Variants in AHRR observed in about 807,000 individuals in gnomAD.
AHRR encodes ahR repressor.
In AHRR, 28 loss-of-function variants were observed where a neutral mutation model predicts 44.0. That is an observed-to-expected ratio of 0.64 (90% CI 0.47 to 0.87). The LOEUF is 0.87. Among genes scored for constraint, AHRR ranks in the 40% least tolerant of loss-of-function variants. The pLI, the probability that AHRR is intolerant of heterozygous loss-of-function variation, is 0.00. For missense variants in AHRR, 990 were observed against 953.9 expected, an observed-to-expected ratio of 1.04 and a Z score of -0.50; for synonymous variants, 434 against 407.0, an observed-to-expected ratio of 1.07 and a Z score of -0.80.
chr5:385,501 T>G (rs1262601620), intron 4 of AHRR, among the ~76,000 whole-genome samples: 2 of 152,170 alleles, frequency 1.3e-5, no homozygotes, highest in Non-Finnish European at 2.9e-5. Flanking sequence ...TGAATACTTT[T>G]GCTGGGTATA....
At chr5:389,946 G>A (rs1734342620) in intron 4 of AHRR, among the ~76,000 whole-genome samples, 1 of 130,430 alleles carries the variant, frequency 7.7e-6, no homozygotes, top group African/African-American at 2.8e-5. Flanking sequence ...GGGAAGGGAG[G>A]GAGGGGGAGG....
rs1405927157 is a variant in AHRR, at chr5:423,982, G to C, written c.708+5G>C. The C allele has an allele frequency of 1.9e-6, 3 of 1,596,216 alleles. No homozygotes were observed. The highest frequency in any genetic ancestry group is 1.3e-5 in the African/African-American group (1 of 74,858). On this transcript the variant is annotated splice_donor_5th_base_variant and intron_variant, in intron 7 of 10. Transcript: ENST00000684583. ...GACAGCACCTCGGGCTTCCTGGTGA[G>C]TGCGTGGGTCCCTGGCAGGGGGCTC...
At chr5:367,671 C>G (rs1332689759) in intron 3 of AHRR, 7 of 596,836 alleles carry the variant, frequency 1.2e-5, no homozygotes, top group Non-Finnish European at 2.1e-5. Context: ...CTCAGGAGGC[C>G]TTCCCCAGCC....
At chr5:347,364 T>A (rs933400742) in intron 2 of AHRR, among the ~76,000 whole-genome samples, 1 of 152,244 alleles carries the variant, frequency 6.6e-6, no homozygotes, top group Non-Finnish European at 1.5e-5. Flanking sequence ...TAAATTTGTA[T>A]GAGTTGAATT....
chr5:345,473 T>G (rs1254812929), intron 2 of AHRR, among the ~76,000 whole-genome samples: 1 of 121,716 alleles, frequency 8.2e-6, no homozygotes, highest in African/African-American at 3.4e-5. Context: ...ATGATGTCCC[T>G]GGCTGTGTGT....
intron 3 of AHRR, among the ~76,000 whole-genome samples, chr5:354,880 G>A (rs1313174904): frequency 6.6e-6 from 1 of 152,176 alleles, no homozygotes; most frequent in East Asian, 1.9e-4. Flanking sequence ...CCCAGGGAAG[G>A]ACGTGGCCCA....
At chr5:376,557 A>AGGTGAACGCGGGGAAACACAGGAAAGAT in intron 3 of AHRR, 53 bp from the exon 4 acceptor site, 1 of 1,423,184 alleles carries the variant, frequency 7.0e-7, no homozygotes, top group South Asian at 1.4e-5. Context: ...AATGAAGAAG[A>AGGTGAACGCGGGGAAACACAGGAAAGAT]GTGGCCAGGC....
At chr5:350,263 G>C (rs997836962) in intron 2 of AHRR, among the ~76,000 whole-genome samples, 1 of 152,160 alleles carries the variant, frequency 6.6e-6, no homozygotes, top group Non-Finnish European at 1.5e-5. Context: ...ATCTTCCTGC[G>C]TATTTGGTCT....
chr5:393,767 A>T (rs1024162120), intron 4 of AHRR, among the ~76,000 whole-genome samples: 5 of 152,020 alleles, frequency 3.3e-5, no homozygotes, highest in Non-Finnish European at 1.5e-5. Context: ...CCTCCCAAGT[A>T]GCTGGGATTA....
In AHRR at chr5:342,392, T is replaced by G. The variant is rs1742376001; in HGVS notation, c.-10-1501T>G. Among the ~76,000 whole-genome samples, 1 of 152,222 alleles carries G rather than the reference T, an allele frequency of 6.6e-6. No homozygotes were observed. Among genetic ancestry groups the G allele is most frequent in the African/African-American group, 2.4e-5 (1 of 41,456 alleles). ...GTCAGATCTTCTTGGAAAATTGACC[T>G]CTTTATTATTAAAGAATATACCTTT... On this transcript the variant is annotated intron_variant, in intron 1 of 10. Coordinates refer to ENST00000684583, the MANE Select transcript of AHRR (RefSeq NM_001377236.1). This position sits in a 1 kb window ranked among gnomAD's most constrained non-coding sequence, Gnocchi z 4.3.
Position 434,296 on chromosome 5 carries a change from CG to C in AHRR, c.1561del (p.Asp521ThrfsTer9). The C allele has an allele frequency of 6.2e-7, 1 of 1,609,052 alleles. No homozygotes were observed. On this transcript the variant is annotated frameshift_variant, in exon 11 of 11. Transcript: ENST00000684583. ...AAGCTGCAAGGTGTACCGATGCCTC[CG>C]GGGGACCTGTGTGGTCCGACGCTGC... is the stretch of plus-strand genomic sequence containing the variant. ...DMKLQGVPMP[P>X]GDLCGPTLLL...
intron 4 of AHRR, among the ~76,000 whole-genome samples, chr5:401,992 AC>A (rs772093804): frequency 2.6e-5 from 4 of 152,208 alleles, no homozygotes; most frequent in Non-Finnish European, 5.9e-5. Context: ...AGCAAAGGAA[AC>A]CGTCAACACA....
intron 1 of AHRR, among the ~76,000 whole-genome samples, chr5:334,808 G>A (rs938448492): frequency 6.6e-6 from 1 of 152,054 alleles, no homozygotes; most frequent in African/African-American, 2.4e-5. Flanking sequence ...CACATCTGGT[G>A]TAATAGTTGC....
chr5:378,469 T>C (rs764448621), intron 4 of AHRR, among the ~76,000 whole-genome samples: 3 of 152,244 alleles, frequency 2.0e-5, no homozygotes, highest in Non-Finnish European at 4.4e-5. Flanking sequence ...TTAGTAATGA[T>C]CTAGAAATGA....
chr5:384,151 A>AT (rs1734085764), intron 4 of AHRR, among the ~76,000 whole-genome samples: 1 of 151,280 alleles, frequency 6.6e-6, no homozygotes, highest in South Asian at 2.1e-4. Context: ...TTATTTTTCT[A>AT]TTTTTTGTTC....
chr5:336,664 T>C (rs2126342362), intron 1 of AHRR, among the ~76,000 whole-genome samples: 1 of 152,238 alleles, frequency 6.6e-6, no homozygotes, highest in African/African-American at 2.4e-5. Flanking sequence ...AATTTATCAA[T>C]TTTTTTCTCT....
In AHRR at chr5:422,613, G is replaced by A. The variant is rs1436791363; in HGVS notation, c.442-116G>A. The A allele has an allele frequency of 7.1e-5, 99 of 1,400,102 alleles. 1 individual carries two copies. The highest frequency in any genetic ancestry group is 6.4e-4 in the East Asian group (28 of 43,550). 86.7% of individuals were successfully genotyped at this position (1,400,102 alleles called of 1,614,324 possible). A position where few individuals can be genotyped will look rare whatever the true frequency, so the allele number is the denominator to read the frequency against. On this transcript the variant is annotated intron_variant, in intron 5 of 10. Coordinates refer to ENST00000684583, the MANE Select transcript of AHRR (RefSeq NM_001377236.1). ...GTCTCTTCGGTGGGATTCTCTCCCT[G>A]TGGCTGTGACTTGCTTTGACAAGTG...
At chr5:378,135 G>T (rs1166098242) in intron 4 of AHRR, among the ~76,000 whole-genome samples, 2 of 152,230 alleles carry the variant, frequency 1.3e-5, no homozygotes, top group African/African-American at 4.8e-5. Context: ...AGTGAAAGGG[G>T]TTATATGCTC....
chr5:331,562 C>T (rs6888629), intron 1 of AHRR, among the ~76,000 whole-genome samples: 14,944 of 152,110 alleles, frequency 0.098, 2,369 homozygotes, highest in African/African-American at 0.33. Flanking sequence ...AGATTGTTAA[C>T]TTGTAATCTT....
Sources: gnomAD v4.1 joint callset for allele counts (sites outside exome capture counted in the v4.1 genomes callset) on GRCh38, gnomAD v4.1.1 for gene constraint, Gnocchi (gnomAD v3.1) non-coding constraint, MANE v1.5 for transcripts, NCBI Gene and HGNC (gene_info 2026-07-23, HGNC 2026-07-21) for gene names.